The following PRKCH variants were observed in gnomAD, a reference collection of about 807,000 sequenced individuals.
PRKCH encodes protein kinase C eta, also known as protein kinase C eta type.
A neutral mutation model predicts 82.5 loss-of-function variants in PRKCH; 28 were observed. The ratio of observed to expected loss-of-function variants is 0.34; its 90% confidence interval spans 0.25 to 0.47. The LOEUF is 0.47. Among genes scored for constraint, PRKCH ranks in the 20% least tolerant of loss-of-function variants. The probability of loss-of-function intolerance (pLI) is 1.00; values close to 1 mark genes in which losing one functional copy is unlikely to be tolerated. For missense variants in PRKCH, 705 were observed against 881.8 expected, an observed-to-expected ratio of 0.80 and a Z score of 2.54; for synonymous variants, 322 against 327.4, an observed-to-expected ratio of 0.98 and a Z score of 0.18.
intron 1 of PRKCH, among the ~76,000 whole-genome samples, chr14:61,283,604 C>T (rs1162533927): frequency 1.3e-5 from 2 of 151,924 alleles, no homozygotes; most frequent in African/African-American, 2.4e-5. Context: ...TCAAGCACTT[C>T]GGGAGGCCAA....
intron 2 of PRKCH, among the ~76,000 whole-genome samples, chr14:61,433,760 G>GT: frequency 6.6e-6 from 1 of 152,316 alleles, no homozygotes; most frequent in East Asian, 1.9e-4. Flanking sequence ...ATGAAAAGAT[G>GT]TTTTGGGTGA....
intron 1 of PRKCH, chr14:61,281,179 A>G (rs2140093079): frequency 2.4e-6 from 3 of 1,269,014 alleles, no homozygotes; most frequent in Non-Finnish European, 3.0e-6. Flanking sequence ...GCGCGGGCTG[A>G]CCGAGTGGGG....
At chr14:61,516,948 TG>T (rs2042837465) in intron 10 of PRKCH, among the ~76,000 whole-genome samples, 2 of 152,136 alleles carry the variant, frequency 1.3e-5, no homozygotes, top group African/African-American at 4.8e-5. Context: ...TCCAAGAGCC[TG>T]TGAGTGGTTC....
upstream of PRKCH, among the ~76,000 whole-genome samples, chr14:61,320,263 G>C (rs2045598398): frequency 6.6e-6 from 1 of 152,210 alleles, no homozygotes; most frequent in African/African-American, 2.4e-5. Flanking sequence ...TGCTCCGAGG[G>C]AACCAGTATA....
intron 10 of PRKCH, among the ~76,000 whole-genome samples, chr14:61,488,118 C>T (rs1352703245): frequency 6.6e-6 from 1 of 151,142 alleles, no homozygotes; most frequent in Non-Finnish European, 1.5e-5. Flanking sequence ...CGCGCCACCG[C>T]ACTCCAGCCT....
intron 1 of PRKCH, among the ~76,000 whole-genome samples, chr14:61,387,659 G>A (rs1304649146): frequency 6.6e-6 from 1 of 152,118 alleles, no homozygotes; most frequent in Non-Finnish European, 1.5e-5. Context: ...TGTATAGAAG[G>A]AACAAATAAC....
At chr14:61,255,084 G>A (rs1056152486) in intron 1 of PRKCH, among the ~76,000 whole-genome samples, 2 of 152,156 alleles carry the variant, frequency 1.3e-5, no homozygotes, top group East Asian at 1.9e-4. Flanking sequence ...TTCTTGCTGC[G>A]CTATCAGGAT....
At chr14:61,397,219 G>T (rs966501155) in intron 2 of PRKCH, among the ~76,000 whole-genome samples, 4 of 152,196 alleles carry the variant, frequency 2.6e-5, no homozygotes, top group African/African-American at 9.7e-5. Flanking sequence ...GCAATCCACT[G>T]GATGTGGAGG....
intron 10 of PRKCH, among the ~76,000 whole-genome samples, chr14:61,494,067 T>G (rs1448217425): frequency 2.6e-5 from 4 of 152,154 alleles, no homozygotes; most frequent in Non-Finnish European, 5.9e-5. Context: ...GTATGACAGG[T>G]GCCTGAGGTA....
rs1594843042 is a variant in PRKCH at position 61,188,591 on chromosome 14, GGGGGGT to G, written c.-19+929_-19+934del. On this transcript the variant is annotated intron_variant, in intron 1 of 3. Transcript: ENST00000555185. ...GTTGCTGTAGTGTGTGTGTGTGTCG[GGGGGGT>G]GGGGGGGTGGTGTGGTGTGTGTGTG... 1.1e-4 allele frequency among the ~76,000 whole-genome samples: 8 copies of G among 69,948 alleles called. No individual in the cohort carries two copies. The East Asian group carries it at 1.7e-3, about 15-fold the overall frequency. 45.9% of individuals were successfully genotyped at this position (69,948 alleles called of 152,430 possible).
Position 61,547,888 on chromosome 14 carries a change from TAA to T in PRKCH, c.1905+3_1905+4del. 6.2e-7 allele frequency: 1 copy of T among 1,613,498 alleles called. No homozygotes were observed. Among genetic ancestry groups the T allele is most frequent in the Non-Finnish European group, 8.5e-7 (1 of 1,179,604 alleles). On this transcript the variant is annotated splice_donor_region_variant and intron_variant, in intron 13 of 13. Transcript: ENST00000332981. ...GAACCGCCTTTCAGACCCAGAATCG[TAA>T]GTGTCCCAGGCTGTCACAGAGACAT...
chr14:61,355,411 T>C (rs769543330), intron 1 of PRKCH, among the ~76,000 whole-genome samples: 1 of 152,178 alleles, frequency 6.6e-6, no homozygotes, highest in Non-Finnish European at 1.5e-5. Context: ...CCTATTCTGC[T>C]GTTTATGACC....
intron 12 of PRKCH, among the ~76,000 whole-genome samples, chr14:61,536,294 G>T (rs979544027): frequency 8.2e-4 from 125 of 152,212 alleles, no homozygotes; most frequent in Admixed American, 8.0e-3. Flanking sequence ...CTCCAGGGTA[G>T]TAATGAAGGG....
intron 1 of PRKCH, among the ~76,000 whole-genome samples, chr14:61,226,977 A>G (rs1430477459): frequency 3.9e-5 from 6 of 152,090 alleles, no homozygotes; most frequent in Admixed American, 3.9e-4. Context: ...CTGGTGTACA[A>G]TACATCTACT....
At chr14:61,225,565 C>T (rs565326364) in intron 1 of PRKCH, among the ~76,000 whole-genome samples, 3 of 152,296 alleles carry the variant, frequency 2.0e-5, no homozygotes, top group South Asian at 2.1e-4. Context: ...CATGGTAATA[C>T]GCATAAGTTC....
At chr14:61,531,946 A>G (rs1239225496) in intron 12 of PRKCH, among the ~76,000 whole-genome samples, 1 of 152,192 alleles carries the variant, frequency 6.6e-6, no homozygotes, top group Non-Finnish European at 1.5e-5. Flanking sequence ...TCCTGAAGGG[A>G]AATGTACTCA....
chr14:61,348,944 A>G (rs1249896630), intron 1 of PRKCH, among the ~76,000 whole-genome samples: 1 of 152,250 alleles, frequency 6.6e-6, no homozygotes, highest in African/African-American at 2.4e-5. Context: ...TATTTGTTGT[A>G]CTTGTCAGTG....
chr14:61,320,908 G>A (rs1226367775), upstream of PRKCH, among the ~76,000 whole-genome samples: 1 of 152,140 alleles, frequency 6.6e-6, no homozygotes, highest in Non-Finnish European at 1.5e-5. Flanking sequence ...GAAACCACCC[G>A]CAGAGGAAGA....
intron 1 of PRKCH, among the ~76,000 whole-genome samples, chr14:61,203,651 T>C (rs1439547162): frequency 2.0e-5 from 3 of 152,088 alleles, no homozygotes; most frequent in Non-Finnish European, 4.4e-5. Context: ...GGAAGTGTTT[T>C]TCAAATATTT....
Sources: gnomAD v4.1 joint callset for allele counts (sites outside exome capture counted in the v4.1 genomes callset) on GRCh38, gnomAD v4.1.1 for gene constraint, MANE v1.5 for transcripts, NCBI Gene and HGNC (gene_info 2026-07-23, HGNC 2026-07-21) for gene names.